Variants in RFX4 observed in about 807,000 individuals in gnomAD.
RFX4 encodes the protein regulatory factor X4, also known as transcription factor RFX4.
Under a neutral mutation model 95.0 loss-of-function variants are expected in RFX4, and 10 were observed. The observed-to-expected ratio is 0.11, with a 90% CI of 0.06 to 0.18. The LOEUF is 0.18. Among genes scored for constraint, RFX4 ranks in the 10% least tolerant of loss-of-function variants. The pLI, the probability that RFX4 is intolerant of heterozygous loss-of-function variation, is 1.00. For synonymous variants in RFX4, 321 were observed against 340.7 expected, an observed-to-expected ratio of 0.94 and a Z score of 0.64; for missense variants, 640 against 922.0, an observed-to-expected ratio of 0.69 and a Z score of 3.96.
chr12:106,722,423 G>A (rs1189034820), intron 13 of RFX4, among the ~76,000 whole-genome samples: 3 of 152,198 alleles, frequency 2.0e-5, no homozygotes, highest in Non-Finnish European at 4.4e-5. Context: ...AATATTCTTT[G>A]AAATTCATCT....
intron 4 of RFX4, among the ~76,000 whole-genome samples, chr12:106,663,343 A>G (rs1433873940): frequency 6.6e-6 from 1 of 152,042 alleles, no homozygotes; most frequent in East Asian, 1.9e-4. Flanking sequence ...TGTGTTTTCA[A>G]CGTCAAATAC....
intron 4 of RFX4, among the ~76,000 whole-genome samples, chr12:106,658,408 T>A (rs565852267): frequency 7.2e-5 from 11 of 152,310 alleles, no homozygotes; most frequent in Admixed American, 6.5e-4. Context: ...CATCTGGCCA[T>A]GTTCACCCAT....
intron 1 of RFX4, chr12:106,585,748 G>C (rs1273948510): frequency 6.6e-6 from 1 of 152,228 alleles, no homozygotes; most frequent in Non-Finnish European, 1.5e-5. Flanking sequence ...ATTCCGAAAG[G>C]ACTGGAACAA....
At chr12:106,611,250 A>G (rs2039955853) in intron 2 of RFX4, among the ~76,000 whole-genome samples, 3 of 152,174 alleles carry the variant, frequency 2.0e-5, no homozygotes, top group African/African-American at 7.2e-5. Flanking sequence ...ATTTCCTCCT[A>G]TTCCATGGGT....
intron 4 of RFX4, among the ~76,000 whole-genome samples, chr12:106,672,763 T>TAAAAAA (rs58826004): frequency 7.6e-6 from 1 of 130,898 alleles, no homozygotes; most frequent in African/African-American, 2.8e-5. Context: ...AAGAAACACT[T>TAAAAAA]AAAAAAAAAA....
chr12:106,749,027 G>C (rs947567016), intron 16 of RFX4, among the ~76,000 whole-genome samples: 2 of 151,496 alleles, frequency 1.3e-5, no homozygotes, highest in African/African-American at 4.9e-5. Flanking sequence ...GGAGGCTGCA[G>C]TGAGCTGAGA....
intron 8 of RFX4, among the ~76,000 whole-genome samples, chr12:106,698,442 C>T (rs904034521): frequency 6.6e-6 from 1 of 151,668 alleles, no homozygotes; most frequent in Non-Finnish European, 1.5e-5. Flanking sequence ...CAGGACCTGG[C>T]TAATTTAAAA....
chr12:106,647,654 T>C (rs1482014179), intron 3 of RFX4, among the ~76,000 whole-genome samples: 4 of 152,062 alleles, frequency 2.6e-5, no homozygotes, highest in Non-Finnish European at 5.9e-5. Flanking sequence ...TTAACATCAA[T>C]AGGAATTTGG....
At chr12:106,667,877 A>G (rs895449884) in intron 4 of RFX4, among the ~76,000 whole-genome samples, 2 of 152,202 alleles carry the variant, frequency 1.3e-5, no homozygotes, top group African/African-American at 4.8e-5. Context: ...CCATTTAAAG[A>G]TGAGGTAGTT....
intron 1 of RFX4, among the ~76,000 whole-genome samples, chr12:106,597,001 C>T (rs1047003917): frequency 6.6e-6 from 1 of 152,194 alleles, no homozygotes; most frequent in African/African-American, 2.4e-5. Context: ...CTTGTTTGTA[C>T]CTGATAAATT....
chr12:106,606,400 C>T (rs1387357668), intron 1 of RFX4, among the ~76,000 whole-genome samples: 1 of 152,124 alleles, frequency 6.6e-6, no homozygotes, highest in East Asian at 1.9e-4. Flanking sequence ...CAGATGCCAT[C>T]TAAATGTAGC....
chr12:106,623,946 T>C (rs1045819974), intron 2 of RFX4, among the ~76,000 whole-genome samples: 1 of 152,254 alleles, frequency 6.6e-6, no homozygotes, highest in Non-Finnish European at 1.5e-5. Context: ...AGGCTGTTTA[T>C]GTCTTTCTGC....
chr12:106,709,815 G>A (rs1003149354), intron 9 of RFX4, among the ~76,000 whole-genome samples: 1 of 152,104 alleles, frequency 6.6e-6, no homozygotes, highest in Non-Finnish European at 1.5e-5. Flanking sequence ...AAGAGGCAAA[G>A]AGAGTTCCCC....
chr12:106,657,473 T>C (rs910104626), intron 4 of RFX4, among the ~76,000 whole-genome samples: 1 of 152,152 alleles, frequency 6.6e-6, no homozygotes, highest in African/African-American at 2.4e-5. Flanking sequence ...TCTTTCCAAG[T>C]CTGTGGCCAA....
rs1240137774 is a variant in RFX4, at chr12:106,617,821, G to A, written c.130+8938G>A. 2.0e-5 allele frequency among the ~76,000 whole-genome samples: 3 copies of A among 152,292 alleles called. No homozygotes were observed. In the South Asian group the frequency reaches 6.2e-4, roughly 32 times the overall value. ...AGCTCACTGTAGCCTCTGCCTCCCA[G>A]GTTCAAGAGATTCTCCTGCTTCAGC... On this transcript the variant is annotated intron_variant, in intron 2 of 17. Coordinates refer to ENST00000392842, the MANE Select transcript of RFX4 (RefSeq NM_213594.3).
At chr12:106,660,827 G>A (rs181519375) in intron 4 of RFX4, among the ~76,000 whole-genome samples, 1 of 152,218 alleles carries the variant, frequency 6.6e-6, no homozygotes, top group East Asian at 1.9e-4. Context: ...GAACCCTATT[G>A]TGAACTGCGC....
intron 2 of RFX4, among the ~76,000 whole-genome samples, chr12:106,610,312 A>G (rs1461710366): frequency 6.6e-6 from 1 of 152,118 alleles, no homozygotes; most frequent in Non-Finnish European, 1.5e-5. Context: ...CAAAATCTAC[A>G]TAACATAAAA....
At chr12:106,737,332 T>C (rs4519184) in intron 15 of RFX4, among the ~76,000 whole-genome samples, 1 of 151,716 alleles carries the variant, frequency 6.6e-6, no homozygotes, top group South Asian at 2.1e-4. Context: ...GGATAGGTGG[T>C]GATATAATAG....
chr12:106,684,863 T>C lies in RFX4; in HGVS notation c.378-2021T>C, dbSNP rs746922818. On this transcript the variant is annotated intron_variant, in intron 5 of 17. Transcript: ENST00000392842. ...TCTGAATTCTTCATCCCAGAAGGCA[T>C]TCAGATAGATTCGAGATGCCCACTA... 8 of 1,597,998 alleles carry C rather than the reference T, an allele frequency of 5.0e-6. No homozygotes were observed. In the Admixed American group the frequency reaches 1.2e-4, roughly 24 times the overall value.
Sources: gnomAD v4.1 joint callset for allele counts (sites outside exome capture counted in the v4.1 genomes callset) on GRCh38, gnomAD v4.1.1 for gene constraint, MANE v1.5 for transcripts, NCBI Gene and HGNC (gene_info 2026-07-23, HGNC 2026-07-21) for gene names.